Variants in SLIT3 observed in about 807,000 individuals in gnomAD.
The protein encoded by SLIT3 is slit homolog 3 protein.
Under a neutral mutation model 184.0 loss-of-function variants are expected in SLIT3, and 68 were observed. The ratio of observed to expected loss-of-function variants is 0.37; its 90% CI spans 0.30 to 0.45. The LOEUF (loss-of-function observed/expected upper bound fraction) is 0.45, where lower values mean the gene tolerates loss of function less well. Among genes scored for constraint, SLIT3 ranks in the 20% least tolerant of loss-of-function variants. The pLI, the probability that SLIT3 is intolerant of heterozygous loss-of-function variation, is 1.00. For missense variants in SLIT3, 1,707 were observed against 2,026.0 expected (o/e 0.84, Z 3.02); for synonymous variants, 831 against 828.6 (o/e 1.00, Z -0.05).
chr5:169,089,343 G>C (rs1460373057), intron 4 of SLIT3, among the ~76,000 whole-genome samples: 3 of 152,124 alleles, frequency 2.0e-5, no homozygotes, highest in Non-Finnish European at 4.4e-5. Flanking sequence ...AGGTTCTCTT[G>C]CATGGCTTCT....
chr5:168,966,999 C>G (rs994234800), intron 4 of SLIT3, among the ~76,000 whole-genome samples: 2 of 152,106 alleles, frequency 1.3e-5, no homozygotes, highest in African/African-American at 2.4e-5. Flanking sequence ...AATATATGTA[C>G]AAGGATGTTC....
chr5:169,065,520 G>A (rs115221091), intron 4 of SLIT3, among the ~76,000 whole-genome samples: 1 of 152,126 alleles, frequency 6.6e-6, no homozygotes, highest in African/African-American at 2.4e-5. Flanking sequence ...GTCTCTCTGG[G>A]GAATGAATGG....
intron 7 of SLIT3, among the ~76,000 whole-genome samples, chr5:168,822,805 A>T (rs1319716556): frequency 6.6e-6 from 1 of 152,176 alleles, no homozygotes; most frequent in Non-Finnish European, 1.5e-5. Context: ...GGAGAGAAGG[A>T]GTGACTCTCC....
At chr5:168,823,163 A>G (rs1439524553) in intron 7 of SLIT3, 97 bp downstream of exon 7, 11 of 953,070 alleles carry the variant, frequency 1.2e-5, no homozygotes, top group Non-Finnish European at 1.9e-5. Flanking sequence ...CCATCTGCCT[A>G]GTCATAGCAT....
At chr5:169,265,871 C>A (rs941929803) in intron 1 of SLIT3, among the ~76,000 whole-genome samples, 1 of 152,134 alleles carries the variant, frequency 6.6e-6, no homozygotes, top group Non-Finnish European at 1.5e-5. Flanking sequence ...CAAAGGTGCA[C>A]CTGGTCAAAT....
At chr5:168,711,741 A>G (rs1326008916) in intron 24 of SLIT3, among the ~76,000 whole-genome samples, 1 of 152,202 alleles carries the variant, frequency 6.6e-6, no homozygotes, top group Non-Finnish European at 1.5e-5. Context: ...CCTGGGAGTG[A>G]GGGAATCTAG....
At chr5:168,926,299 G>A (rs139275014) in intron 4 of SLIT3, among the ~76,000 whole-genome samples, 78 of 152,348 alleles carry the variant, frequency 5.1e-4, no homozygotes, top group African/African-American at 1.6e-3. Flanking sequence ...GGACGGATGC[G>A]TCTGTCTATC....
intron 4 of SLIT3, among the ~76,000 whole-genome samples, chr5:169,049,306 G>A (rs941422990): frequency 3.3e-5 from 5 of 152,118 alleles, no homozygotes; most frequent in African/African-American, 1.2e-4. Context: ...TCGACGTGGT[G>A]GGGGAGGGGG....
chr5:169,003,364 T>C (rs1285366428), intron 4 of SLIT3, among the ~76,000 whole-genome samples: 2 of 152,178 alleles, frequency 1.3e-5, no homozygotes. Context: ...TCCTACTGAG[T>C]GTCTGCAGTA....
At chr5:168,842,478 T>TTTTTTTTTG (rs1758299811) in intron 6 of SLIT3, among the ~76,000 whole-genome samples, 1 of 145,730 alleles carries the variant, frequency 6.9e-6, no homozygotes, top group African/African-American at 2.6e-5. Context: ...CGTTTTTTTT[T>TTTTTTTTTG]TTTTTTTTTG....
chr5:168,870,860 A>G (rs140265134), intron 5 of SLIT3, among the ~76,000 whole-genome samples: 1 of 152,330 alleles, frequency 6.6e-6, no homozygotes, highest in East Asian at 1.9e-4. Context: ...TACAAGGTGA[A>G]ATTCACTGAT....
chr5:168,859,812 G>A (rs1007033186), intron 5 of SLIT3, among the ~76,000 whole-genome samples: 1 of 152,116 alleles, frequency 6.6e-6, no homozygotes, highest in Non-Finnish European at 1.5e-5. Flanking sequence ...TTGGGAGTGG[G>A]AGTAGGATGG....
chr5:169,207,400 C>T (rs1438706311), intron 3 of SLIT3, among the ~76,000 whole-genome samples: 2 of 150,466 alleles, frequency 1.3e-5, no homozygotes, highest in African/African-American at 5.0e-5. Context: ...CACACACACA[C>T]ACACACACAC....
intron 4 of SLIT3, among the ~76,000 whole-genome samples, chr5:169,096,842 G>T (rs1759804882): frequency 6.6e-6 from 1 of 152,186 alleles, no homozygotes; most frequent in Admixed American, 6.5e-5. Flanking sequence ...CACACAGCTG[G>T]TAATGAGTGG....
chr5:168,850,959 G>T lies in SLIT3; in HGVS notation c.486-6304C>A, dbSNP rs1039629423. On this transcript the variant is annotated intron_variant, in intron 5 of 35. Transcript: ENST00000519560. ...CACTTCTGTGTTTACATACTTTCCT[G>T]TATATTGGGCTTTTGGCAAATGAAT... Among the ~76,000 whole-genome samples, 3 of 152,174 alleles carry T rather than the reference G, an allele frequency of 2.0e-5. No individual in the cohort carries two copies. In the East Asian group the frequency reaches 5.8e-4, roughly 29 times the overall value.
chr5:168,826,304 G>A (rs1041101249), intron 6 of SLIT3, among the ~76,000 whole-genome samples: 4 of 152,158 alleles, frequency 2.6e-5, no homozygotes, highest in African/African-American at 4.8e-5. Flanking sequence ...TGGCCAGCCC[G>A]GGGATGTCAG....
At chr5:168,956,380 T>A (rs555524384) in intron 4 of SLIT3, among the ~76,000 whole-genome samples, 1 of 152,324 alleles carries the variant, frequency 6.6e-6, no homozygotes, top group African/African-American at 2.4e-5. Flanking sequence ...TGTCTACATT[T>A]ATGTAGGCAA....
At chr5:169,233,972 G>T (rs913016490) in intron 3 of SLIT3, among the ~76,000 whole-genome samples, 2 of 152,164 alleles carry the variant, frequency 1.3e-5, no homozygotes, top group African/African-American at 4.8e-5. Context: ...TTTAGGTAAA[G>T]AATTTCCCTT....
intron 5 of SLIT3, among the ~76,000 whole-genome samples, chr5:168,879,850 T>C (rs1404661191): frequency 1.3e-5 from 2 of 152,198 alleles, no homozygotes; most frequent in African/African-American, 4.8e-5. Context: ...TTCTGTGAAG[T>C]GGAAGCTCCA....
Sources: gnomAD v4.1 joint callset for allele counts (sites outside exome capture counted in the v4.1 genomes callset) on GRCh38, gnomAD v4.1.1 for gene constraint, MANE v1.5 for transcripts, NCBI Gene and HGNC (gene_info 2026-07-23, HGNC 2026-07-21) for gene names.